The following INPP4B variants were observed in gnomAD, a reference collection of about 807,000 sequenced individuals.
The protein encoded by INPP4B is inositol polyphosphate 4-phosphatase type II.
Under a neutral mutation model 122.5 loss-of-function variants are expected in INPP4B, and 55 were observed. The ratio of observed to expected loss-of-function variants is 0.45; its 90% confidence interval spans 0.36 to 0.56. INPP4B has a LOEUF of 0.56. Ranked by LOEUF, INPP4B falls within the 20% of genes least tolerant of loss-of-function variation. The pLI is 0.00. For missense variants in INPP4B, 1,000 were observed against 1,097.7 expected (o/e 0.91, Z 1.26); for synonymous variants, 403 against 388.7 (o/e 1.04, Z -0.43).
chr4:142,798,604 G>A (rs970445556), intron 1 of INPP4B, among the ~76,000 whole-genome samples: 54 of 151,846 alleles, frequency 3.6e-4, no homozygotes, highest in Non-Finnish European at 2.1e-4. Flanking sequence ...ATTAAAATGT[G>A]TCATCAAAAG....
intron 17 of INPP4B, among the ~76,000 whole-genome samples, chr4:142,155,945 G>A (rs1315170771): frequency 6.8e-6 from 1 of 148,126 alleles, no homozygotes; most frequent in Non-Finnish European, 1.5e-5. Flanking sequence ...AAATTAATAT[G>A]GATGGATCAT....
chr4:142,613,188 T>C (rs1326767326), intron 2 of INPP4B, among the ~76,000 whole-genome samples: 1 of 152,218 alleles, frequency 6.6e-6, no homozygotes, highest in Non-Finnish European at 1.5e-5. Flanking sequence ...TAACTGTCAA[T>C]CTACAGATTT....
intron 2 of INPP4B, among the ~76,000 whole-genome samples, chr4:142,530,389 G>T (rs1393612659): frequency 6.6e-6 from 1 of 151,936 alleles, no homozygotes; most frequent in African/African-American, 2.4e-5. Context: ...TGAGGTATGA[G>T]ACACTATTCG....
intron 16 of INPP4B, among the ~76,000 whole-genome samples, chr4:142,162,860 G>A (rs971678341): frequency 1.8e-4 from 28 of 151,878 alleles, no homozygotes; most frequent in Non-Finnish European, 3.8e-4. Flanking sequence ...TTCACTTTGT[G>A]TCTGTACTGA....
chr4:142,163,176 T>TCACTTAA (rs1561338375), intron 16 of INPP4B, among the ~76,000 whole-genome samples: 1 of 151,568 alleles, frequency 6.6e-6, no homozygotes, highest in Non-Finnish European at 1.5e-5. Flanking sequence ...TCAACCTTGG[T>TCACTTAA]CTGAAAATAT....
intron 1 of INPP4B, among the ~76,000 whole-genome samples, chr4:142,796,367 G>A (rs1159881084): frequency 1.3e-5 from 2 of 151,930 alleles, no homozygotes; most frequent in African/African-American, 4.8e-5. Context: ...CGAGGGTTCG[G>A]CAGTCAAATT....
chr4:142,078,862 C>CA (rs1772277421), intron 25 of INPP4B, among the ~76,000 whole-genome samples: 1 of 151,800 alleles, frequency 6.6e-6, no homozygotes, highest in African/African-American at 2.4e-5. Context: ...TGGAGTAATT[C>CA]AAAGGTAAAA....
At chr4:142,292,413 T>C (rs1196033659) in intron 9 of INPP4B, among the ~76,000 whole-genome samples, 1 of 152,198 alleles carries the variant, frequency 6.6e-6, no homozygotes, top group African/African-American at 2.4e-5. Context: ...CCAAAAAATT[T>C]AGTGTTAGTT....
intron 12 of INPP4B, among the ~76,000 whole-genome samples, chr4:142,220,278 C>T (rs1848847160): frequency 6.6e-6 from 1 of 152,152 alleles, no homozygotes. Context: ...CTGAGGGACT[C>T]ATCTGAATGT....
chr4:142,771,699 T>C (rs1021446774), intron 1 of INPP4B, among the ~76,000 whole-genome samples: 3 of 152,136 alleles, frequency 2.0e-5, no homozygotes, highest in African/African-American at 7.2e-5. Context: ...ACCATTTGTC[T>C]TGGTCACAAG....
intron 7 of INPP4B, among the ~76,000 whole-genome samples, chr4:142,384,684 T>G (rs149581905): frequency 3.9e-5 from 6 of 152,286 alleles, no homozygotes; most frequent in African/African-American, 1.2e-4. Flanking sequence ...TTTAATTTAT[T>G]TTTATTTTAT....
chr4:142,525,058 A>C (rs1192024767), intron 2 of INPP4B, among the ~76,000 whole-genome samples: 1 of 150,844 alleles, frequency 6.6e-6, no homozygotes, highest in South Asian at 2.1e-4. Flanking sequence ...TACAAAATCA[A>C]TGTGCAAAAA....
chr4:142,807,566 C>T (rs929653583), intron 1 of INPP4B, among the ~76,000 whole-genome samples: 4 of 152,084 alleles, frequency 2.6e-5, no homozygotes, highest in Non-Finnish European at 4.4e-5. Context: ...AACATATGGC[C>T]AGATGCATCT....
intron 1 of INPP4B, among the ~76,000 whole-genome samples, chr4:142,784,408 T>TAAATAAA (rs1554009430): frequency 8.2e-5 from 11 of 133,374 alleles, no homozygotes; most frequent in Non-Finnish European, 1.5e-4. Context: ...AATAAATAAA[T>TAAATAAA]AAAAATTAAA....
At chr4:142,803,445 A>G (rs759828820) in intron 1 of INPP4B, among the ~76,000 whole-genome samples, 3 of 151,680 alleles carry the variant, frequency 2.0e-5, no homozygotes, top group South Asian at 4.2e-4. Flanking sequence ...CTTGTTATAT[A>G]AGGAAAAAAC....
intron 9 of INPP4B, among the ~76,000 whole-genome samples, chr4:142,303,253 A>T (rs1762153617): frequency 6.6e-6 from 1 of 152,166 alleles, no homozygotes; most frequent in Non-Finnish European, 1.5e-5. Context: ...ATTATCACAT[A>T]AGAAGCCCCC....
At chr4:142,706,213 C>T (rs1022263243) in intron 2 of INPP4B, among the ~76,000 whole-genome samples, 2 of 152,212 alleles carry the variant, frequency 1.3e-5, no homozygotes, top group African/African-American at 2.4e-5. Context: ...CCTAAGCCCT[C>T]GAGGCCATTA....
At chr4:142,741,017 C>T (rs1372755125) in intron 1 of INPP4B, among the ~76,000 whole-genome samples, 4 of 151,822 alleles carry the variant, frequency 2.6e-5, no homozygotes, top group Admixed American at 6.6e-5. Flanking sequence ...AAGGAAAGTC[C>T]AAAGAAGCAA....
chr4:142,488,742 C>A (rs1007920821), intron 2 of INPP4B, among the ~76,000 whole-genome samples: 9 of 152,110 alleles, frequency 5.9e-5, no homozygotes, highest in Non-Finnish European at 4.4e-5. Context: ...CTCTGTCAAA[C>A]CCAGTATTGG....
Sources: allele counts gnomAD v4.1 joint callset (sites outside exome capture counted in the v4.1 genomes callset), GRCh38; gene constraint gnomAD v4.1.1; transcripts MANE v1.5; gene names NCBI Gene and HGNC (gene_info 2026-07-23, HGNC 2026-07-21).